RORA: variants seen among roughly 807,000 people sequenced by gnomAD.
RORA encodes the protein RAR related orphan receptor A.
A neutral mutation model predicts 69.5 loss-of-function variants in RORA; 7 were observed. The ratio of observed to expected loss-of-function variants is 0.10; its 90% CI spans 0.06 to 0.19. The LOEUF (loss-of-function observed/expected upper bound fraction) is 0.19. Among genes scored for constraint, RORA ranks in the 10% least tolerant of loss-of-function variants. The pLI, the probability that RORA is intolerant of heterozygous loss-of-function variation, is 1.00. For missense variants in RORA, 457 were observed against 663.0 expected (o/e 0.69, Z 3.41); for synonymous variants, 261 against 240.8 (o/e 1.08, Z -0.78).
At chr15:60,987,598 C>T (rs1052092119) in intron 1 of RORA, among the ~76,000 whole-genome samples, 18 of 151,648 alleles carry the variant, frequency 1.2e-4, no homozygotes, top group African/African-American at 4.4e-4. Flanking sequence ...ATAACCACAT[C>T]CTTCAGGATG....
chr15:60,681,105 C>G (rs2070635953), intron 1 of RORA, among the ~76,000 whole-genome samples: 1 of 152,090 alleles, frequency 6.6e-6, no homozygotes, highest in Non-Finnish European at 1.5e-5. Context: ...CTCTTTGATC[C>G]TCTGAAACCT....
chr15:60,921,438 C>G (rs1892045408), intron 1 of RORA, among the ~76,000 whole-genome samples: 1 of 152,166 alleles, frequency 6.6e-6, no homozygotes, highest in African/African-American at 2.4e-5. Context: ...GAGTACATAG[C>G]ACATGATTCA....
At chr15:60,530,833 G>A (rs180948967) in intron 3 of RORA, 3 of 152,230 alleles carry the variant, frequency 2.0e-5, no homozygotes, top group Admixed American at 2.0e-4. Flanking sequence ...TGTAGCAATC[G>A]GCTGTCTCAA....
intron 2 of RORA, among the ~76,000 whole-genome samples, chr15:60,649,303 T>G (rs948523806): frequency 2.6e-4 from 40 of 152,062 alleles, no homozygotes; most frequent in Non-Finnish European, 3.4e-4. Flanking sequence ...ACTTTCTCCT[T>G]GTGTTCATGG....
At chr15:61,039,724 G>A (rs563791497) in intron 1 of RORA, among the ~76,000 whole-genome samples, 26 of 133,330 alleles carry the variant, frequency 2.0e-4, no homozygotes, top group East Asian at 1.2e-3. Context: ...CAGCCTGGGC[G>A]ACAGAGTGAG....
intron 1 of RORA, among the ~76,000 whole-genome samples, chr15:60,931,540 G>C (rs997946062): frequency 1.6e-4 from 24 of 152,216 alleles, no homozygotes; most frequent in African/African-American, 5.3e-4. Flanking sequence ...CTCATGAAGT[G>C]TCCTTATTTT....
intron 1 of RORA, among the ~76,000 whole-genome samples, chr15:61,197,852 C>T (rs1173923598): frequency 1.3e-5 from 2 of 151,674 alleles, no homozygotes; most frequent in East Asian, 3.9e-4. Context: ...GAGGGTATAA[C>T]CAGGGAAGAG....
chr15:60,968,107 G>A (rs866799168), intron 1 of RORA, among the ~76,000 whole-genome samples: 21 of 152,176 alleles, frequency 1.4e-4, no homozygotes, highest in African/African-American at 5.1e-4. Flanking sequence ...TGGTGCTTAC[G>A]CTATTCCAGA....
At chr15:60,935,056 AT>A (rs1892480684) in intron 1 of RORA, among the ~76,000 whole-genome samples, 3 of 152,260 alleles carry the variant, frequency 2.0e-5, no homozygotes, top group Non-Finnish European at 4.4e-5. Context: ...CATTTTAGAA[AT>A]AATGAATCCC....
At chr15:60,526,109 G>A (rs999870218) in intron 3 of RORA, among the ~76,000 whole-genome samples, 8 of 152,186 alleles carry the variant, frequency 5.3e-5, no homozygotes, top group African/African-American at 1.9e-4. Flanking sequence ...CCTCATTCAC[G>A]AAAGTTAGCT....
chr15:60,534,915 A>G lies in RORA; in HGVS notation c.197-3064T>C, dbSNP rs576113072. 4.6e-5 allele frequency among the ~76,000 whole-genome samples: 7 copies of G among 152,270 alleles called. No homozygotes were observed. The highest frequency in any genetic ancestry group is 1.7e-4 in the African/African-American group (7 of 41,556). On this transcript the variant is annotated intron_variant, in intron 2 of 10. Transcript: ENST00000335670. This position sits in a 1 kb window ranked among gnomAD's most constrained non-coding sequence, Gnocchi z 5.0. ...CAATTTCCAGAATTCAAATGAATCC[A>G]TGAGAAAAAAATGCAGTCAATGCCT... is the stretch of plus-strand genomic sequence containing the variant.
chr15:60,555,695 G>C (rs2067337727), intron 2 of RORA, among the ~76,000 whole-genome samples: 1 of 151,992 alleles, frequency 6.6e-6, no homozygotes, highest in South Asian at 2.1e-4. Context: ...CATATTCACA[G>C]GTGGGAAGAA....
At chr15:61,139,097 T>C (rs1310995395) in intron 1 of RORA, among the ~76,000 whole-genome samples, 2 of 150,244 alleles carry the variant, frequency 1.3e-5, no homozygotes, top group Non-Finnish European at 3.0e-5. Context: ...TGAGCCAAGA[T>C]CGCGCCACTG....
chr15:60,911,874 T>C (rs1267701461), intron 1 of RORA, among the ~76,000 whole-genome samples: 4 of 150,198 alleles, frequency 2.7e-5, no homozygotes, highest in Non-Finnish European at 3.0e-5. Context: ...TTTTTTTTTG[T>C]ATTTTTACAA....
rs1595806916 is a variant in RORA at position 60,905,858 on chromosome 15, T to G, written c.167-227172A>C. On this transcript the variant is annotated intron_variant, in intron 1 of 10. Transcript: ENST00000335670. This position sits in a 1 kb window ranked among gnomAD's most constrained non-coding sequence, Gnocchi z 4.8. ...TGAAAGAAATGGTGCTGAATTCACC[T>G]TGTTCTTCCACCCTCATCATCCTTT... 6.6e-6 allele frequency among the ~76,000 whole-genome samples: 1 copy of G among 152,342 alleles called. No homozygotes were observed. The highest frequency in any genetic ancestry group is 6.5e-5 in the Admixed American group (1 of 15,300).
chr15:60,992,070 A>G (rs1045470551), intron 1 of RORA, among the ~76,000 whole-genome samples: 15 of 152,162 alleles, frequency 9.9e-5, no homozygotes, highest in African/African-American at 3.1e-4. Flanking sequence ...GTTAAGTAAA[A>G]AAGATCCATA....
chr15:60,749,323 G>A lies in RORA; in HGVS notation c.167-70637C>T, dbSNP rs532043559. Among the ~76,000 whole-genome samples the A allele has an allele frequency of 6.6e-5, 10 of 152,234 alleles. No individual in the cohort carries two copies. In the East Asian group the frequency reaches 1.3e-3, roughly 21 times the overall value. ...CTAAAACATAGATGTAAAACTTAAC[G>A]TAGCCTGATCCAGATTGAATTACTG... is the stretch of plus-strand genomic sequence containing the variant. On this transcript the variant is annotated intron_variant, in intron 1 of 10. Transcript: ENST00000335670.
intron 1 of RORA, among the ~76,000 whole-genome samples, chr15:60,919,655 C>T (rs1263537658): frequency 1.3e-5 from 2 of 152,216 alleles, no homozygotes; most frequent in Admixed American, 1.3e-4. Context: ...CACCTCCTGA[C>T]CTGCAATGCC....
intron 10 of RORA, among the ~76,000 whole-genome samples, chr15:60,498,871 A>C (rs1254840958): frequency 2.6e-5 from 4 of 151,918 alleles, no homozygotes; most frequent in African/African-American, 4.8e-5. Context: ...AAAAAAAAAA[A>C]AACAAGCAAA....
Sources: gnomAD v4.1 joint callset for allele counts (sites outside exome capture counted in the v4.1 genomes callset) on GRCh38, gnomAD v4.1.1 for gene constraint, Gnocchi (gnomAD v3.1) non-coding constraint, MANE v1.5 for transcripts, NCBI Gene and HGNC (gene_info 2026-07-23, HGNC 2026-07-21) for gene names.